Variants in ACVR1 observed in about 807,000 individuals in gnomAD.
The protein encoded by ACVR1 is activin receptor type-1.
A neutral mutation model predicts 57.1 loss-of-function variants in ACVR1; 38 were observed. That is an observed-to-expected ratio of 0.67 (90% CI 0.51 to 0.87). ACVR1 has a LOEUF of 0.87. Ranked by LOEUF, ACVR1 falls within the 40% of genes least tolerant of loss-of-function variation. The pLI, the probability that ACVR1 is intolerant of heterozygous loss-of-function variation, is 0.00. For missense variants in ACVR1, 463 were observed against 638.2 expected, an observed-to-expected ratio of 0.73 and a Z score of 2.96; for synonymous variants, 212 against 228.1, an observed-to-expected ratio of 0.93 and a Z score of 0.63.
intron 2 of ACVR1, among the ~76,000 whole-genome samples, chr2:157,807,445 G>A (rs189742732): frequency 9.2e-5 from 14 of 152,074 alleles, no homozygotes; most frequent in Middle Eastern, 3.4e-3. Flanking sequence ...AAATAGCCAC[G>A]GTCCACCTGC....
At chr2:157,867,282 T>A (rs566225753) in intron 1 of ACVR1, among the ~76,000 whole-genome samples, 2 of 152,292 alleles carry the variant, frequency 1.3e-5, no homozygotes, top group Admixed American at 6.5e-5. Context: ...CCTAGTTCCA[T>A]CTATTCTCAT....
intron 1 of ACVR1, among the ~76,000 whole-genome samples, chr2:157,851,889 AC>A (rs1689317336): frequency 2.7e-4 from 1 of 3,648 alleles, no homozygotes; most frequent in Non-Finnish European, 2.3e-3. Flanking sequence ...ACACACACAC[AC>A]ACACACACAC....
At chr2:157,807,472 G>A (rs953125882) in intron 2 of ACVR1, among the ~76,000 whole-genome samples, 3 of 151,944 alleles carry the variant, frequency 2.0e-5, no homozygotes, top group Non-Finnish European at 4.4e-5. Flanking sequence ...TCAACTGCTA[G>A]GACTCCATCA....
intron 1 of ACVR1, among the ~76,000 whole-genome samples, chr2:157,864,492 G>A (rs779658187): frequency 2.6e-5 from 4 of 152,122 alleles, no homozygotes; most frequent in African/African-American, 9.7e-5. Flanking sequence ...GTGATTACAG[G>A]TGTGATCCAC....
At chr2:157,799,251 G>A (rs769658876) in intron 3 of ACVR1, among the ~76,000 whole-genome samples, 176 bp downstream of exon 3, 1 of 151,926 alleles carries the variant, frequency 6.6e-6, no homozygotes, top group African/African-American at 2.4e-5. Context: ...ATAGGTGTAT[G>A]TAAATATTCA....
rs1321457056 is a variant in ACVR1, at chr2:157,740,006, AG to A, written c.1265-1437del. 3.9e-5 allele frequency among the ~76,000 whole-genome samples: 6 copies of A among 152,128 alleles called. No homozygotes were observed. In the East Asian group the frequency reaches 1.2e-3, roughly 29 times the overall value. On this transcript the variant is annotated intron_variant, in intron 9 of 10. Transcript: ENST00000434821. The stretch of plus-strand genomic sequence containing the variant: ...CGAGACAAGCCTGGGCAACATGGCA[AG>A]ACCCTGTCTCTACTAAAAATACAAA...
intron 1 of ACVR1, among the ~76,000 whole-genome samples, chr2:157,871,809 G>C (rs1690122077): frequency 6.6e-6 from 1 of 152,228 alleles, no homozygotes; most frequent in South Asian, 2.1e-4. Flanking sequence ...TGTTAACTCA[G>C]AAAAGGAAGC....
At chr2:157,761,310 CAA>C (rs1030518224) in intron 8 of ACVR1, among the ~76,000 whole-genome samples, 6 of 152,038 alleles carry the variant, frequency 3.9e-5, no homozygotes, top group Non-Finnish European at 7.4e-5. Flanking sequence ...ATATGAACCT[CAA>C]AGAGACAAAA....
chr2:157,848,894 T>C (rs529706000), intron 1 of ACVR1, among the ~76,000 whole-genome samples: 153 of 152,264 alleles, frequency 1.0e-3, no homozygotes, highest in African/African-American at 3.6e-3. Context: ...AAGAAACAGC[T>C]GACGAAGCTA....
At chr2:157,819,557 G>A (rs10171237) in intron 1 of ACVR1, 5,326 of 150,370 alleles carry the variant, frequency 0.035, 326 homozygotes, top group African/African-American at 0.12. Flanking sequence ...TCTTTCTCCC[G>A]TTCCAAGATC....
At chr2:157,789,670 G>A (rs373200871) in intron 3 of ACVR1, among the ~76,000 whole-genome samples, 4 of 152,176 alleles carry the variant, frequency 2.6e-5, no homozygotes, top group African/African-American at 9.7e-5. Context: ...ATCCCAAAAG[G>A]GAACAGACAG....
chr2:157,771,298 T>G (rs1686061641), intron 6 of ACVR1, among the ~76,000 whole-genome samples: 1 of 152,216 alleles, frequency 6.6e-6, no homozygotes, highest in African/African-American at 2.4e-5. Flanking sequence ...GGAGAATACA[T>G]TTTGGAAAAC....
intron 1 of ACVR1, among the ~76,000 whole-genome samples, chr2:157,855,107 A>G (rs2105369684): frequency 6.6e-6 from 1 of 152,000 alleles, no homozygotes; most frequent in African/African-American, 2.4e-5. Flanking sequence ...ACTGACTTTT[A>G]GCATTTTTCA....
intron 1 of ACVR1, chr2:157,826,764 A>AG (rs1221744505): frequency 3.0e-5 from 3 of 98,864 alleles, no homozygotes; most frequent in South Asian, 3.5e-4. Flanking sequence ...AGGAAAGGAA[A>AG]GGAAAGGAAA....
rs1687244060 is a variant in ACVR1 at position 157,799,419 on chromosome 2, T to C, written c.67+8A>G. The C allele has an allele frequency of 6.2e-7, 1 of 1,605,808 alleles. No individual in the cohort carries two copies. Among genetic ancestry groups the C allele is most frequent in the African/African-American group, 1.3e-5 (1 of 74,124 alleles). ...TTATCTTAACCCAAAAAGATGTGAG[T>C]CACTTACCTTCCATACTAGGGGAGG... On this transcript the variant is annotated splice_region_variant and intron_variant, in intron 3 of 10. Transcript: ENST00000434821.
At chr2:157,775,606 T>TA (rs1480819067) in intron 5 of ACVR1, among the ~76,000 whole-genome samples, 2 of 152,190 alleles carry the variant, frequency 1.3e-5, no homozygotes, top group African/African-American at 4.8e-5. Flanking sequence ...TTAGAACCCT[T>TA]AAAAACCACA....
chr2:157,761,939 C>G (rs1685672460), intron 8 of ACVR1, among the ~76,000 whole-genome samples: 1 of 152,216 alleles, frequency 6.6e-6, no homozygotes, highest in Non-Finnish European at 1.5e-5. Context: ...CCTTGTTGAT[C>G]TCTCAAGCCA....
At chr2:157,771,140 C>T (rs1042052701) in intron 6 of ACVR1, among the ~76,000 whole-genome samples, 1 of 152,122 alleles carries the variant, frequency 6.6e-6, no homozygotes, top group Non-Finnish European at 1.5e-5. Flanking sequence ...GATTTCTTGG[C>T]GGAAGATGTA....
At chr2:157,767,118 G>T (rs1050494619) in intron 7 of ACVR1, among the ~76,000 whole-genome samples, 1 of 151,766 alleles carries the variant, frequency 6.6e-6, no homozygotes, top group Admixed American at 6.6e-5. Context: ...TGCAACCACC[G>T]CCTCCTGGGT....
Sources: gnomAD v4.1 joint callset for allele counts (sites outside exome capture counted in the v4.1 genomes callset) on GRCh38, gnomAD v4.1.1 for gene constraint, MANE v1.5 for transcripts, NCBI Gene and HGNC (gene_info 2026-07-23, HGNC 2026-07-21) for gene names.